Variants in BCAS3 observed in about 807,000 individuals in gnomAD.
BCAS3 encodes the protein BCAS4/BCAS3 fusion.
A neutral mutation model predicts 116.1 loss-of-function variants in BCAS3; 53 were observed. The ratio of observed to expected loss-of-function variants is 0.46; its 90% CI spans 0.37 to 0.57. BCAS3 has a LOEUF of 0.57. BCAS3 is among the 20% of genes least tolerant of loss of function. The pLI is 0.00. For synonymous variants in BCAS3, 391 were observed against 408.2 expected (o/e 0.96, Z 0.51); for missense variants, 917 against 1,165.4 (o/e 0.79, Z 3.10).
chr17:61,154,475 G>T (rs947723220), intron 22 of BCAS3, among the ~76,000 whole-genome samples: 6 of 148,286 alleles, frequency 4.0e-5, no homozygotes, highest in Non-Finnish European at 5.9e-5. Flanking sequence ...TCCCTCTGTT[G>T]CCCAGGCTGG....
intron 22 of BCAS3, among the ~76,000 whole-genome samples, chr17:61,295,789 T>TA (rs763805941): frequency 1.4e-3 from 189 of 133,502 alleles, no homozygotes; most frequent in Admixed American, 2.7e-3. Flanking sequence ...CCGTCTCTAC[T>TA]AAAAAAAAAA....
intron 22 of BCAS3, among the ~76,000 whole-genome samples, chr17:61,252,150 G>A (rs2048417080): frequency 6.6e-6 from 1 of 152,236 alleles, no homozygotes; most frequent in African/African-American, 2.4e-5. Flanking sequence ...ATAGAGGGCA[G>A]ATTACAACAC....
chr17:61,275,476 T>A (rs1331853689), intron 22 of BCAS3, among the ~76,000 whole-genome samples: 1 of 151,994 alleles, frequency 6.6e-6, no homozygotes, highest in African/African-American at 2.4e-5. Context: ...GCTCAGTGTT[T>A]AGCGGCAGAG....
At chr17:60,783,439 A>G (rs960598718) in intron 6 of BCAS3, among the ~76,000 whole-genome samples, 1 of 152,174 alleles carries the variant, frequency 6.6e-6, no homozygotes, top group African/African-American at 2.4e-5. Context: ...TCCTGGGCTC[A>G]GGCAGTCTGC....
At chr17:60,739,143 T>C (rs528211760) in intron 5 of BCAS3, among the ~76,000 whole-genome samples, 1 of 152,334 alleles carries the variant, frequency 6.6e-6, no homozygotes, top group Non-Finnish European at 1.5e-5. Flanking sequence ...CAATACCTAA[T>C]ATTAACAAAC....
Position 61,186,990 on chromosome 17 carries a change from G to A in BCAS3, c.2425+102426G>A, listed in dbSNP as rs924846436. The stretch of plus-strand genomic sequence containing the variant: ...CTCCCAAAGTGCTGGGATTACAAGC[G>A]TGAGCCACTGCGCCCAGCCAACAGT... On this transcript the variant is annotated intron_variant, in intron 22 of 23. Transcript: ENST00000407086. This position sits in a 1 kb window ranked among gnomAD's most constrained non-coding sequence, Gnocchi z 4.9. Among the ~76,000 whole-genome samples the A allele has an allele frequency of 1.3e-5, 2 of 152,174 alleles. No individual in the cohort carries two copies. The highest frequency in any genetic ancestry group is 2.4e-5 in the African/African-American group (1 of 41,444).
At chr17:60,984,324 T>G (rs1263156414) in intron 14 of BCAS3, among the ~76,000 whole-genome samples, 2 of 152,170 alleles carry the variant, frequency 1.3e-5, no homozygotes, top group Admixed American at 6.5e-5. Context: ...ACCTAGAGCT[T>G]TTGTTTGTGG....
In BCAS3 at chr17:61,007,669, G is replaced by GGGGACTTCTTTGT. The variant is rs2064812298; in HGVS notation, c.1487-8082_1487-8081insGGGACTTCTTTGT. ...TACTTTGTATGTAGTGGGGAGAAGT[G>GGGGACTTCTTTGT]ATGACACTATCATTAATAATCTCAA... On this transcript the variant is annotated intron_variant, in intron 15 of 23. Coordinates refer to ENST00000407086, the MANE Select transcript of BCAS3 (RefSeq NM_017679.5). This position sits in a 1 kb window ranked among gnomAD's most constrained non-coding sequence, Gnocchi z 4.3. Among the ~76,000 whole-genome samples, 2 of 151,440 alleles carry GGGGACTTCTTTGT rather than the reference G, an allele frequency of 1.3e-5. No homozygotes were observed. The highest frequency in any genetic ancestry group is 2.9e-5 in the Non-Finnish European group (2 of 67,886).
intron 5 of BCAS3, among the ~76,000 whole-genome samples, chr17:60,717,364 C>T (rs1350755583): frequency 2.0e-5 from 3 of 151,750 alleles, no homozygotes; most frequent in African/African-American, 4.8e-5. Context: ...TACAGGGATG[C>T]GCCACCACGC....
chr17:60,770,864 T>G (rs1286099637), intron 6 of BCAS3, among the ~76,000 whole-genome samples: 1 of 131,646 alleles, frequency 7.6e-6, no homozygotes, highest in Non-Finnish European at 1.6e-5. Context: ...TTTTTTTTTT[T>G]TGAGACAGGG....
rs2065824237 is a variant in BCAS3, at chr17:61,020,824, A to G, written c.1637+4923A>G. Among the ~76,000 whole-genome samples the G allele has an allele frequency of 6.6e-6, 1 of 152,204 alleles. No homozygotes were observed. The highest frequency in any genetic ancestry group is 2.4e-5 in the African/African-American group (1 of 41,446). ...ATTATTTATATTTCCAAATTATTTT[A>G]TGGACACAAGCAGAGAACAGTAAAT... On this transcript the variant is annotated intron_variant, in intron 16 of 23. Coordinates refer to ENST00000407086, the MANE Select transcript of BCAS3 (RefSeq NM_017679.5). The surrounding 1 kb of genome is among the most constrained non-coding windows in gnomAD (Gnocchi z 4.5).
At chr17:61,267,300 G>A (rs1338962400) in intron 22 of BCAS3, among the ~76,000 whole-genome samples, 2 of 151,856 alleles carry the variant, frequency 1.3e-5, no homozygotes, top group African/African-American at 2.4e-5. Context: ...CTCATGATCC[G>A]CTCCCCTCGG....
intron 5 of BCAS3, among the ~76,000 whole-genome samples, chr17:60,712,774 CAAA>C (rs2038091968): frequency 6.6e-6 from 1 of 152,106 alleles, no homozygotes; most frequent in Admixed American, 6.6e-5. Context: ...ATATGAGACT[CAAA>C]GAAGGGCCAA....
intron 16 of BCAS3, among the ~76,000 whole-genome samples, chr17:61,016,162 C>G (rs2065442207): frequency 6.6e-6 from 1 of 152,168 alleles, no homozygotes; most frequent in South Asian, 2.1e-4. Flanking sequence ...AAAACAGATC[C>G]ATCTACTTCG....
In BCAS3 at chr17:61,128,563, C is replaced by T; in HGVS notation, c.2425+43999C>T. The T allele has an allele frequency of 1.0e-6, 1 of 985,378 alleles. No homozygotes were observed. Among genetic ancestry groups the T allele is most frequent in the Non-Finnish European group, 1.2e-6 (1 of 829,904 alleles). The allele number at this position is 985,378 out of a possible 1,614,324, so 61.0% of individuals were successfully genotyped here. On this transcript the variant is annotated intron_variant, in intron 22 of 23. Coordinates refer to ENST00000407086, the MANE Select transcript of BCAS3 (RefSeq NM_017679.5). The surrounding 1 kb of genome is among the most constrained non-coding windows in gnomAD (Gnocchi z 4.1). ...GTTTGAATCGTTTGACTGCTATACA[C>T]AATCCCCAGCACTTATAAAATAAAA...
intron 7 of BCAS3, chr17:60,851,628 A>G: frequency 1.5e-6 from 1 of 686,416 alleles, no homozygotes. Context: ...AAGGGGAGCA[A>G]AGGGAAAACA....
chr17:61,016,598 C>T (rs1352049296), intron 16 of BCAS3, among the ~76,000 whole-genome samples: 1 of 152,148 alleles, frequency 6.6e-6, no homozygotes, highest in East Asian at 1.9e-4. Flanking sequence ...TGTATATTAA[C>T]ACTGGAAATC....
chr17:61,191,293 T>G (rs2080096855), intron 22 of BCAS3, among the ~76,000 whole-genome samples: 2 of 152,170 alleles, frequency 1.3e-5, no homozygotes, highest in Admixed American at 1.3e-4. Context: ...AGTAATACTT[T>G]AATATGAATA....
At chr17:61,010,960 G>T (rs541412360) in intron 15 of BCAS3, among the ~76,000 whole-genome samples, 4 of 151,898 alleles carry the variant, frequency 2.6e-5, no homozygotes, top group Non-Finnish European at 4.4e-5. Context: ...TCCTCTGTCT[G>T]CTTGTGCCAG....
Sources: allele counts gnomAD v4.1 joint callset (sites outside exome capture counted in the v4.1 genomes callset), GRCh38; gene constraint gnomAD v4.1.1; non-coding constraint Gnocchi (gnomAD v3.1); transcripts MANE v1.5; gene names NCBI Gene and HGNC (gene_info 2026-07-23, HGNC 2026-07-21).